The following ADAM12 variants were observed in gnomAD, a reference collection of about 807,000 sequenced individuals.
ADAM12 encodes the protein disintegrin and metalloproteinase domain-containing protein 12.
Under a neutral mutation model 106.4 loss-of-function variants are expected in ADAM12, and 70 were observed. That is an observed-to-expected ratio of 0.66 (90% CI 0.54 to 0.80). ADAM12 has a LOEUF of 0.80. Ranked by LOEUF, ADAM12 falls within the 30% of genes least tolerant of loss-of-function variation. The pLI is 0.00. For missense variants in ADAM12, 1,010 were observed against 1,171.9 expected (o/e 0.86, Z 2.02); for synonymous variants, 420 against 433.5 (o/e 0.97, Z 0.39).
chr10:126,243,489 A>ATGTGTGTGTGTGTGTGTG (rs57227903), intron 3 of ADAM12, among the ~76,000 whole-genome samples: 4,712 of 146,828 alleles, frequency 0.032, 130 homozygotes, highest in East Asian at 0.064. Context: ...GTGTGAGTGT[A>ATGTGTGTGTGTGTGTGTG]TGTGTGTGTG....
chr10:126,250,923 A>G (rs1309024331), intron 3 of ADAM12, among the ~76,000 whole-genome samples: 2 of 152,234 alleles, frequency 1.3e-5, no homozygotes, highest in African/African-American at 4.8e-5. Context: ...CAGCCATTCC[A>G]ATTTATAATT....
chr10:126,157,613 G>A (rs932680477), intron 3 of ADAM12, among the ~76,000 whole-genome samples: 7 of 152,302 alleles, frequency 4.6e-5, no homozygotes, highest in South Asian at 2.1e-4. Flanking sequence ...GAGAGTGTGC[G>A]GAAAACATAA....
chr10:126,160,809 T>C (rs1956918797), intron 3 of ADAM12, among the ~76,000 whole-genome samples: 2 of 152,222 alleles, frequency 1.3e-5, no homozygotes, highest in African/African-American at 2.4e-5. Flanking sequence ...GTGCTCACTT[T>C]TCCCTCTAGC....
At chr10:126,343,433 G>T (rs986122465) in intron 1 of ADAM12, among the ~76,000 whole-genome samples, 2 of 151,988 alleles carry the variant, frequency 1.3e-5, no homozygotes, top group African/African-American at 4.8e-5. Flanking sequence ...TATCATTGTT[G>T]GACATTTGGG....
intron 3 of ADAM12, among the ~76,000 whole-genome samples, chr10:126,167,116 A>G (rs1452112783): frequency 6.6e-6 from 1 of 152,238 alleles, no homozygotes; most frequent in Non-Finnish European, 1.5e-5. Context: ...TCAGTCACTA[A>G]GTAGCATCAG....
At chr10:126,219,285 C>A (rs1034689856) in intron 3 of ADAM12, among the ~76,000 whole-genome samples, 3 of 152,202 alleles carry the variant, frequency 2.0e-5, no homozygotes, top group Admixed American at 2.0e-4. Flanking sequence ...CTTAGCGCCT[C>A]GAACAGAGGT....
rs919635402 is a variant in ADAM12 at position 126,066,723 on chromosome 10, G to A, written c.1407C>T (p.Asp469=). The change falls in exon 13 of 23, where the codon GAC becomes GAT. Residue 469 remains aspartate (D), a synonymous_variant. Coordinates refer to ENST00000448723, the MANE Select transcript of ADAM12 (RefSeq NM_001288973.2). This position sits in a 1 kb window ranked among gnomAD's most constrained non-coding sequence, Gnocchi z 5.1. ...AVCAHGLCCE[D]CQLKPAGTAC... ...TGTAGCTCCGGTGACTCACCTGGCAGTCTTCACAGCACAGCCCATGTGCGC... is the reference window on the plus strand; with the variant it reads ...TGTAGCTCCGGTGACTCACCTGGCAATCTTCACAGCACAGCCCATGTGCGC... 5.6e-6 allele frequency: 9 copies of A among 1,614,052 alleles called. No individual in the cohort carries two copies. In the African/African-American group the frequency reaches 1.2e-4, roughly 22 times the overall value.
intron 3 of ADAM12, among the ~76,000 whole-genome samples, chr10:126,234,322 G>A (rs957303060): frequency 4.6e-5 from 7 of 152,160 alleles, no homozygotes; most frequent in African/African-American, 1.2e-4. Flanking sequence ...AATTAAAACT[G>A]CATATGTTAA....
intron 7 of ADAM12, 71 bp from the exon 8 acceptor site, chr10:126,108,735 G>C: frequency 7.2e-7 from 1 of 1,393,300 alleles, no homozygotes; most frequent in Non-Finnish European, 1.0e-6. Context: ...CTGGCTTCTG[G>C]AAATGTGAAG....
chr10:126,211,140 G>T (rs1957893820), intron 3 of ADAM12, among the ~76,000 whole-genome samples: 1 of 152,118 alleles, frequency 6.6e-6, no homozygotes, highest in African/African-American at 2.4e-5. Context: ...CAACCACAGG[G>T]TGTGCACAGG....
At chr10:126,188,021 G>C (rs1308770184) in intron 3 of ADAM12, among the ~76,000 whole-genome samples, 1 of 152,192 alleles carries the variant, frequency 6.6e-6, no homozygotes, top group Non-Finnish European at 1.5e-5. Flanking sequence ...AGGAAGTGCA[G>C]GTTCCCAGGA....
At chr10:126,337,818 T>C (rs1341565920) in intron 1 of ADAM12, among the ~76,000 whole-genome samples, 1 of 152,244 alleles carries the variant, frequency 6.6e-6, no homozygotes. Context: ...TCTTGCTGGC[T>C]TTCTTTGAGT....
rs2459114 is a variant in ADAM12, at chr10:126,093,987, G to A, written c.1143C>T (p.Thr381=). ...EKGGCIMNAS[T]GYPFPMVFSS... is the part of the protein sequence containing the mutation. The stretch of plus-strand genomic sequence containing the variant: ...CAGATGGAAGCAATGGTACTTGCCC[G>A]GTGGAAGCGTTCATGATGCAGCCTC... Residue 381 remains threonine (T), a splice_region_variant and synonymous_variant, in exon 11 of 23, where the codon ACC becomes ACT. Transcript: ENST00000448723. 124 of 1,613,946 alleles carry A rather than the reference G, an allele frequency of 7.7e-5. No individual in the cohort carries two copies. Among genetic ancestry groups the A allele is most frequent in the Middle Eastern group, 1.6e-4 (1 of 6,084 alleles).
intron 3 of ADAM12, among the ~76,000 whole-genome samples, chr10:126,200,052 C>CA (rs1957669969): frequency 6.6e-6 from 1 of 152,188 alleles, no homozygotes; most frequent in African/African-American, 2.4e-5. Context: ...CAGACAATTA[C>CA]CACCTACGAG....
Position 126,388,066 on chromosome 10 carries a change from T to C in ADAM12, c.80A>G (p.Glu27Gly), listed in dbSNP as rs1254535963. 36 of 1,225,948 alleles carry C rather than the reference T, an allele frequency of 2.9e-5. No individual in the cohort carries two copies. The highest frequency in any genetic ancestry group is 3.7e-5 in the Non-Finnish European group (36 of 983,034). 75.9% of individuals were successfully genotyped at this position (1,225,948 alleles called of 1,614,324 possible). A position where few individuals can be genotyped will look rare whatever the true frequency, so the allele number is the denominator to read the frequency against. Residue 27 changes from glutamate (E) to glycine (G), a missense_variant, in exon 1 of 23, where the codon GAG becomes GGG. Physicochemically the swap from Glu to Gly is moderately conservative, Grantham distance 98 (BLOSUM62 -2). Around this residue, in one of 3 missense-constraint regions of ADAM12, gnomAD observed 391 missense variants for 442.9 expected, o/e 0.88. Coordinates refer to ENST00000448723, the MANE Select transcript of ADAM12 (RefSeq NM_001288973.2). This position sits in a 1 kb window ranked among gnomAD's most constrained non-coding sequence, Gnocchi z 4.4. ...ALAGALLAPC[E>G]ARGVSLWNQG... The stretch of plus-strand genomic sequence containing the variant: ...CTAGTTCGGCGACTTACCTCGGGCC[T>C]CGCAGGGCGCGAGCAGAGCACCGGC...
At chr10:126,362,854 T>G (rs1855786734) in intron 1 of ADAM12, among the ~76,000 whole-genome samples, 2 of 152,232 alleles carry the variant, frequency 1.3e-5, no homozygotes, top group Admixed American at 6.5e-5. Flanking sequence ...AGGTTTTTTG[T>G]TTTTTGAGAT....
At chr10:126,247,548 C>T (rs951138354) in intron 3 of ADAM12, among the ~76,000 whole-genome samples, 1 of 152,192 alleles carries the variant, frequency 6.6e-6, no homozygotes, top group Non-Finnish European at 1.5e-5. Context: ...CAGCGCCCGG[C>T]TCAGTCCTGA....
intron 1 of ADAM12, among the ~76,000 whole-genome samples, chr10:126,343,762 C>T (rs908834163): frequency 3.9e-5 from 6 of 152,190 alleles, no homozygotes; most frequent in Non-Finnish European, 8.8e-5. Context: ...TTTTGATTTG[C>T]ATTTCTCTGA....
At chr10:126,234,075 A>G (rs1398933208) in intron 3 of ADAM12, among the ~76,000 whole-genome samples, 1 of 152,228 alleles carries the variant, frequency 6.6e-6, no homozygotes, top group Non-Finnish European at 1.5e-5. Flanking sequence ...CTGAAAATAC[A>G]CAGCAGGCGG....
Sources: gnomAD v4.1 joint callset for allele counts (sites outside exome capture counted in the v4.1 genomes callset) on GRCh38, gnomAD v4.1.1 for gene constraint, gnomAD v4.1.1 regional missense constraint, Gnocchi (gnomAD v3.1) non-coding constraint, MANE v1.5 for transcripts, NCBI Gene and HGNC (gene_info 2026-07-23, HGNC 2026-07-21) for gene names.